ITGAM: variants seen among roughly 807,000 people sequenced by gnomAD.
ITGAM encodes the protein integrin subunit alpha M, also known as integrin alpha-M.
Under a neutral mutation model 137.5 loss-of-function variants are expected in ITGAM, and 79 were observed. That is an observed-to-expected ratio of 0.57 (90% CI 0.48 to 0.69). The LOEUF is 0.69. ITGAM is among the 30% of genes least tolerant of loss of function. ITGAM has a pLI of 0.00. For missense variants in ITGAM, 1,343 were observed against 1,483.5 expected, an observed-to-expected ratio of 0.91 and a Z score of 1.56; for synonymous variants, 583 against 592.3, an observed-to-expected ratio of 0.98 and a Z score of 0.23.
intron 8 of ITGAM, 108 bp downstream of exon 8, chr16:31,273,626 A>T (rs2144298132): frequency 9.4e-7 from 1 of 1,059,364 alleles, no homozygotes; most frequent in Middle Eastern, 2.8e-4. Context: ...ATGAGAGCTA[A>T]TGCTAGCTCA....
rs1490169030 is a variant in ITGAM, at chr16:31,303,976, AC to A, written c.1707+6025del. Among the ~76,000 whole-genome samples, 5 of 152,288 alleles carry A rather than the reference AC, an allele frequency of 3.3e-5. No homozygotes were observed. In the East Asian group the frequency reaches 9.6e-4, roughly 29 times the overall value. On this transcript the variant is annotated intron_variant, in intron 14 of 29. Coordinates refer to ENST00000544665, the MANE Select transcript of ITGAM (RefSeq NM_000632.4). ...ATGACTTCTTTTCCTTTGGGTAGAT[AC>A]CCAGTAGTGGGATTACTGAATCAAA...
chr16:31,270,640 A>G (rs2144278968), intron 5 of ITGAM, among the ~76,000 whole-genome samples: 1 of 139,010 alleles, frequency 7.2e-6, no homozygotes, highest in Non-Finnish European at 1.5e-5. Flanking sequence ...CAGCCTCCTG[A>G]GTAGCTGGGA....
At chr16:31,331,570 C>G (rs1438436696) in intron 29 of ITGAM, 66 bp from the exon 30 acceptor site, 11 of 1,174,432 alleles carry the variant, frequency 9.4e-6, no homozygotes. Context: ...CGCCCCCTCC[C>G]CCTGGTCTGC....
rs943322522 is a variant in ITGAM at position 31,265,694 on chromosome 16, A to T, written c.239-117A>T. 9 of 882,870 alleles carry T rather than the reference A, an allele frequency of 1.0e-5. No homozygotes were observed. In the Admixed American group the frequency reaches 2.4e-4, roughly 23 times the overall value. 54.7% of individuals were successfully genotyped at this position (882,870 alleles called of 1,614,324 possible). ...GTTCCTTTCTTTCCCAAGATTTAGG[A>T]TCCCCCTTCACCGTCAGACCTCCTT... On this transcript the variant is annotated intron_variant, in intron 3 of 29. Coordinates refer to ENST00000544665, the MANE Select transcript of ITGAM (RefSeq NM_000632.4).
At position 31,324,277 on chromosome 16, in the gene ITGAM, G is replaced by A. The variant is rs1366350790; in HGVS notation, c.2003-122G>A. 1 of 683,224 alleles carries A rather than the reference G, an allele frequency of 1.5e-6. No individual in the cohort carries two copies. Among genetic ancestry groups the A allele is most frequent in the Non-Finnish European group, 2.4e-6 (1 of 408,678 alleles). 42.3% of individuals were successfully genotyped at this position (683,224 alleles called of 1,614,324 possible). A position where few individuals can be genotyped will look rare whatever the true frequency, so the allele number is the denominator to read the frequency against. On this transcript the variant is annotated intron_variant, in intron 16 of 29. Coordinates refer to ENST00000544665, the MANE Select transcript of ITGAM (RefSeq NM_000632.4). This position sits in a 1 kb window ranked among gnomAD's most constrained non-coding sequence, Gnocchi z 4.5. ...GAAGGAAGGAAGGAAAGAAGACTCA[G>A]AGAAGTCAGATAACATACCCCAAGT...
At chr16:31,277,515 T>C (rs2079921647) in intron 11 of ITGAM, among the ~76,000 whole-genome samples, 1 of 152,120 alleles carries the variant, frequency 6.6e-6, no homozygotes, top group African/African-American at 2.4e-5. Flanking sequence ...TGTGCCACCA[T>C]GCCCAGCTAA....
At chr16:31,328,302 A>C in intron 23 of ITGAM, 72 bp downstream of exon 23, 1 of 1,179,482 alleles carries the variant, frequency 8.5e-7, no homozygotes, top group Non-Finnish European at 1.3e-6. Context: ...ATCTGTGTGC[A>C]TGAGTCTGTG....
intron 16 of ITGAM, among the ~76,000 whole-genome samples, chr16:31,322,273 A>G (rs1233857007): frequency 6.6e-6 from 1 of 152,196 alleles, no homozygotes; most frequent in Non-Finnish European, 1.5e-5. Context: ...CCTGGGCAAC[A>G]TAGCAAGACC....
Position 31,276,908 on chromosome 16 carries a change from C to T in ITGAM, c.1084-12C>T. ...TTCCTTCCTCATCAACCCTGTTCTACACCTTTCCCAGAATGGCCCCTTGCT... is the reference window on the plus strand; with the variant it reads ...TTCCTTCCTCATCAACCCTGTTCTATACCTTTCCCAGAATGGCCCCTTGCT... On this transcript the variant is annotated splice_polypyrimidine_tract_variant and intron_variant, in intron 10 of 29. Coordinates refer to ENST00000544665, the MANE Select transcript of ITGAM (RefSeq NM_000632.4). 6 of 1,609,478 alleles carry T rather than the reference C, an allele frequency of 3.7e-6. No individual in the cohort carries two copies. The highest frequency in any genetic ancestry group is 1.3e-5 in the African/African-American group (1 of 74,950).
chr16:31,273,717 G>A (rs2079877101), intron 8 of ITGAM, 199 bp downstream of exon 8: 2 of 503,476 alleles, frequency 4.0e-6, no homozygotes, highest in Admixed American at 3.7e-5. Context: ...AAAATAATAA[G>A]TAAGCCTGTG....
chr16:31,314,902 C>T (rs1478052594), intron 14 of ITGAM, among the ~76,000 whole-genome samples: 1 of 150,728 alleles, frequency 6.6e-6, no homozygotes, highest in Non-Finnish European at 1.5e-5. Flanking sequence ...CAACCTCTGC[C>T]TCCAGGTTCA....
intron 14 of ITGAM, among the ~76,000 whole-genome samples, chr16:31,316,471 A>G (rs1383806882): frequency 6.6e-6 from 1 of 151,914 alleles, no homozygotes; most frequent in Non-Finnish European, 1.5e-5. Flanking sequence ...CCATTGGTCA[A>G]TGTCTCTGTT....
intron 5 of ITGAM, among the ~76,000 whole-genome samples, chr16:31,268,168 C>G (rs897642090): frequency 6.6e-6 from 1 of 152,120 alleles, no homozygotes; most frequent in Non-Finnish European, 1.5e-5. Flanking sequence ...CCCCGGCTGG[C>G]CTCCAGCTTC....
chr16:31,302,917 CCT>C (rs1491249917), intron 14 of ITGAM, among the ~76,000 whole-genome samples: 2 of 126,452 alleles, frequency 1.6e-5, no homozygotes, highest in African/African-American at 3.0e-5. Context: ...TCTTTCCCTC[CCT>C]CTTTCTTTCT....
At chr16:31,271,542 G>A (rs1017766392) in intron 6 of ITGAM, among the ~76,000 whole-genome samples, 2 of 152,048 alleles carry the variant, frequency 1.3e-5, no homozygotes, top group Admixed American at 6.5e-5. Flanking sequence ...TAGTAGAGAC[G>A]GGGTTTCACC....
intron 12 of ITGAM, among the ~76,000 whole-genome samples, chr16:31,283,540 T>TA (rs2079993368): frequency 1.3e-5 from 2 of 152,224 alleles, no homozygotes; most frequent in Non-Finnish European, 2.9e-5. Flanking sequence ...ATGCATCACG[T>TA]AATTCTCATG....
At chr16:31,306,106 T>C (rs34927056) in intron 14 of ITGAM, among the ~76,000 whole-genome samples, 60,755 of 151,966 alleles carry the variant, frequency 0.4, 16,427 homozygotes, top group African/African-American at 0.77. Flanking sequence ...CTTTCTGATT[T>C]GATCTCGCTG....
chr16:31,289,613 G>A (rs1323181531), intron 12 of ITGAM, among the ~76,000 whole-genome samples: 3 of 152,134 alleles, frequency 2.0e-5, no homozygotes, highest in East Asian at 3.8e-4. Flanking sequence ...TTGTGGGGTG[G>A]GGGAAGGGAG....
chr16:31,282,738 T>C (rs1567256864), intron 12 of ITGAM, among the ~76,000 whole-genome samples: 1 of 152,230 alleles, frequency 6.6e-6, no homozygotes, highest in Non-Finnish European at 1.5e-5. Flanking sequence ...AGTATTGTTA[T>C]GTGTGAATTA....
Sources: gnomAD v4.1 joint callset for allele counts (sites outside exome capture counted in the v4.1 genomes callset) on GRCh38, gnomAD v4.1.1 for gene constraint, Gnocchi (gnomAD v3.1) non-coding constraint, MANE v1.5 for transcripts, NCBI Gene and HGNC (gene_info 2026-07-23, HGNC 2026-07-21) for gene names.